ENO4: variants seen among roughly 807,000 people sequenced by gnomAD.
ENO4 encodes the protein 2-phospho-D-glycerate hydro-lyase.
A neutral mutation model predicts 63.2 loss-of-function variants in ENO4; 53 were observed. That is an observed-to-expected ratio of 0.84 (90% confidence interval 0.67 to 1.05). The LOEUF is 1.05. Ranked by LOEUF, ENO4 falls within the 50% of genes least tolerant of loss-of-function variation. ENO4 has a pLI of 0.00. For synonymous variants in ENO4, 266 were observed against 283.8 expected, an observed-to-expected ratio of 0.94 and a Z score of 0.63; for missense variants, 719 against 772.0, an observed-to-expected ratio of 0.93 and a Z score of 0.81.
chr10:116,903,564 A>C (rs1847835982), intron 10 of ENO4, among the ~76,000 whole-genome samples: 1 of 152,314 alleles, frequency 6.6e-6, no homozygotes, highest in African/African-American at 2.4e-5. Flanking sequence ...AGCTATGTCA[A>C]GCCTCATGTT....
At chr10:116,878,924 T>G (rs966202644) in intron 11 of ENO4, among the ~76,000 whole-genome samples, 1 of 151,928 alleles carries the variant, frequency 6.6e-6, no homozygotes, top group African/African-American at 2.4e-5. Context: ...TTTGTATTTT[T>G]AGTAGAGACG....
At position 116,889,433 on chromosome 10, in the gene ENO4, G is replaced by A. The variant is rs77408351; in HGVS notation, c.1194+9447G>A. ...CCCCTTTGTTATCACTGAACTAGGCGCAGTGGGCATTTTCTGAATCTAGGC... is the reference window on the plus strand; with the variant it reads ...CCCCTTTGTTATCACTGAACTAGGCACAGTGGGCATTTTCTGAATCTAGGC... On this transcript the variant is annotated intron_variant, in intron 10 of 10. Transcript: ENST00000369207. Among the ~76,000 whole-genome samples, 1,067 of 152,262 alleles carry A rather than the reference G, an allele frequency of 7.0e-3. 17 individuals are homozygous for A. The highest frequency in any genetic ancestry group is 0.021 in the African/African-American group (877 of 41,540).
intron 10 of ENO4, among the ~76,000 whole-genome samples, chr10:116,895,056 C>T (rs1053289163): frequency 2.0e-5 from 3 of 152,102 alleles, no homozygotes; most frequent in Non-Finnish European, 4.4e-5. Context: ...ACATGAAGCT[C>T]TCTTAAAAAG....
chr10:116,896,036 T>A (rs1463265693), intron 10 of ENO4, among the ~76,000 whole-genome samples: 1 of 152,176 alleles, frequency 6.6e-6, no homozygotes, highest in Non-Finnish European at 1.5e-5. Flanking sequence ...AACATATACA[T>A]CCTGCCTACT....
chr10:116,898,221 G>A (rs1294035308), intron 10 of ENO4, among the ~76,000 whole-genome samples: 1 of 151,812 alleles, frequency 6.6e-6, no homozygotes. Context: ...ACAGCTACTC[G>A]GGAGGCTGAG....
At chr10:116,887,533 T>C (rs979223801), downstream of ENO4, among the ~76,000 whole-genome samples, 2 of 152,158 alleles carry the variant, frequency 1.3e-5, no homozygotes, top group Non-Finnish European at 2.9e-5. Flanking sequence ...CAGGTGCCAG[T>C]GAGCTGCCAG....
chr10:116,868,955 A>G (rs1027081167), intron 8 of ENO4, among the ~76,000 whole-genome samples: 1 of 152,220 alleles, frequency 6.6e-6, no homozygotes, highest in African/African-American at 2.4e-5. Context: ...GCTAGGAAGC[A>G]TTTATGAGAC....
chr10:116,896,614 T>C (rs1020323745), intron 10 of ENO4, among the ~76,000 whole-genome samples: 1 of 152,156 alleles, frequency 6.6e-6, no homozygotes, highest in Admixed American at 6.5e-5. Flanking sequence ...TGGAAACATA[T>C]GTTGAATATA....
At position 116,868,723 on chromosome 10, in the gene ENO4, T is replaced by C; in HGVS notation, c.1047+17T>C. ...AGAGGTCAAGTAAGTCTATATATTG[T>C]TTACCATCCTTCCATATGACACTGT... On this transcript the variant is annotated intron_variant, in intron 8 of 13. Coordinates refer to ENST00000341276, the MANE Select transcript of ENO4 (RefSeq NM_001242699.2). The C allele has an allele frequency of 1.3e-6, 2 of 1,543,460 alleles. No individual in the cohort carries two copies. Among genetic ancestry groups the C allele is most frequent in the Non-Finnish European group, 1.8e-6 (2 of 1,140,454 alleles).
Position 116,860,903 on chromosome 10 carries a change from C to CTG in ENO4, c.747_748dup (p.Ala250ValfsTer11). On this transcript the variant is annotated frameshift_variant, in exon 5 of 14. Coordinates refer to ENST00000341276, the MANE Select transcript of ENO4 (RefSeq NM_001242699.2). LOFTEE classifies it high-confidence loss of function. ...CCGTGTCACTAGCTGTTGCCAAAGC[C>CTG]TGTGCCATGCTGCTTAATAAACCTC... 1.3e-6 allele frequency: 2 copies of CTG among 1,549,644 alleles called. No homozygotes were observed. Among genetic ancestry groups the CTG allele is most frequent in the Non-Finnish European group, 1.7e-6 (2 of 1,146,244 alleles).
At chr10:116,854,495 G>A (rs1012419011) in intron 1 of ENO4, among the ~76,000 whole-genome samples, 13 of 151,500 alleles carry the variant, frequency 8.6e-5, no homozygotes, top group Non-Finnish European at 1.3e-4. Flanking sequence ...AGGAGGCAGA[G>A]GTTGCGGTGA....
At chr10:116,874,259 GACTCACCTTTTATATTTTATA>G (rs919480234) in intron 10 of ENO4, 58 bp downstream of exon 10, 4 of 1,314,046 alleles carry the variant, frequency 3.0e-6, no homozygotes, top group African/African-American at 1.5e-5. Context: ...AGATAGGCAG[GACTCACCTTTTATATTTTATA>G]ACTCACCTTT....
rs563829986 is a variant in ENO4 at position 116,881,733 on chromosome 10, C to T, written c.*64C>T. ...TTAGTAGACCGGGAGGTCTGAAGTACGGCGCCGTGTCTCCACATGGAGTTT... is the reference window on the plus strand; with the variant it reads ...TTAGTAGACCGGGAGGTCTGAAGTATGGCGCCGTGTCTCCACATGGAGTTT... On this transcript the variant is annotated 3_prime_UTR_variant, in exon 14 of 14. Coordinates refer to ENST00000341276, the MANE Select transcript of ENO4 (RefSeq NM_001242699.2). The T allele has an allele frequency of 2.3e-5, 28 of 1,242,712 alleles. No individual in the cohort carries two copies. The East Asian group carries it at 3.7e-4, about 16-fold the overall frequency. 77.0% of individuals were successfully genotyped at this position (1,242,712 alleles called of 1,614,324 possible).
intron 6 of ENO4, among the ~76,000 whole-genome samples, chr10:116,861,458 G>C (rs1191508792): frequency 6.6e-6 from 1 of 152,104 alleles, no homozygotes; most frequent in African/African-American, 2.4e-5. Context: ...TGCAGACCTA[G>C]AAAGTGCTGG....
At chr10:116,904,932 T>A (rs886935438) in intron 10 of ENO4, among the ~76,000 whole-genome samples, 1 of 152,128 alleles carries the variant, frequency 6.6e-6, no homozygotes, top group African/African-American at 2.4e-5. Flanking sequence ...CCGGGCGCGG[T>A]GGCTCACGCC....
At chr10:116,891,448 C>A (rs1198065055) in intron 10 of ENO4, among the ~76,000 whole-genome samples, 1 of 152,178 alleles carries the variant, frequency 6.6e-6, no homozygotes, top group Admixed American at 6.5e-5. Context: ...GGTCTGAACT[C>A]TGTTTCATTT....
chr10:116,862,706 T>A (rs768710410), intron 6 of ENO4, 93 bp from the exon 7 acceptor site: 7 of 841,034 alleles, frequency 8.3e-6, no homozygotes, highest in Non-Finnish European at 1.4e-5. Flanking sequence ...ACTCTACAAA[T>A]ACTCTGAGTT....
At position 116,906,891 on chromosome 10, in the gene ENO4, T is replaced by A. The variant is rs905764459; in HGVS notation, c.1195-4608T>A. On this transcript the variant is annotated intron_variant, in intron 10 of 10. Transcript: ENST00000369207. Reference sequence around the variant, plus strand: ...GAATTTGCTATATATTAATATTTTTTAAATGTGCACATTTTCAACAAGACA... The same window carrying A: ...GAATTTGCTATATATTAATATTTTTAAAATGTGCACATTTTCAACAAGACA... 9.3e-6 allele frequency: 6 copies of A among 647,250 alleles called. No homozygotes were observed. In the African/African-American group the frequency reaches 9.4e-5, roughly 10 times the overall value. The allele number at this position is 647,250 out of a possible 1,614,324, so 40.1% of individuals were successfully genotyped here.
At chr10:116,894,118 C>G (rs1027565060) in intron 10 of ENO4, among the ~76,000 whole-genome samples, 1 of 152,078 alleles carries the variant, frequency 6.6e-6, no homozygotes, top group Non-Finnish European at 1.5e-5. Flanking sequence ...TTTGACTGGT[C>G]ACACCAACCA....
Sources: allele counts gnomAD v4.1 joint callset (sites outside exome capture counted in the v4.1 genomes callset), GRCh38; gene constraint gnomAD v4.1.1; transcripts MANE v1.5; gene names NCBI Gene and HGNC (gene_info 2026-07-23, HGNC 2026-07-21).